The following TACC2 variants were observed in gnomAD, a reference collection of about 807,000 sequenced individuals.
The protein encoded by TACC2 is transforming acidic coiled-coil-containing protein 2.
TACC2 carries 137 observed loss-of-function variants against 227.3 expected under a neutral mutation model. The observed-to-expected ratio is 0.60, with a 90% confidence interval of 0.52 to 0.69. The LOEUF (loss-of-function observed/expected upper bound fraction) is 0.69. TACC2 is among the 30% of genes least tolerant of loss of function. The pLI, the probability that TACC2 is intolerant of heterozygous loss-of-function variation, is 0.00. For missense variants in TACC2, 3,470 were observed against 3,694.4 expected (o/e 0.94, Z 1.57); for synonymous variants, 1,523 against 1,487.5 (o/e 1.02, Z -0.55).
chr10:122,198,378 C>T (rs897043974), intron 8 of TACC2, among the ~76,000 whole-genome samples: 19 of 152,320 alleles, frequency 1.2e-4, no homozygotes, highest in East Asian at 7.7e-4. Context: ...CTTCCAGCTC[C>T]GGCCTCCCGA....
chr10:122,164,045 C>A, intron 7 of TACC2: 1 of 1,548,282 alleles, frequency 6.5e-7, no homozygotes, highest in Non-Finnish European at 8.7e-7. Flanking sequence ...GGAGAGGATG[C>A]CCGGGCTTTG....
At position 122,086,056 on chromosome 10, in the gene TACC2, C is replaced by T; in HGVS notation, c.3556C>T (p.Pro1186Ser). ...ACGTGAGTCCTGCCAAGCTGAGCACCCCATGGCCAGCTGCCAGGATGCCTT... is the reference window on the plus strand; with the variant it reads ...ACGTGAGTCCTGCCAAGCTGAGCACTCCATGGCCAGCTGCCAGGATGCCTT... Reference protein sequence around the residue: ...ALRESCQAEHPMASCQDALLP... With the variant: ...ALRESCQAEHSMASCQDALLP... Residue 1186 changes from proline (P) to serine (S), a missense_variant, in exon 4 of 23, where the codon CCC (proline) becomes TCC (serine). This residue lies in a region of TACC2 where 1,924 missense variants were observed against 1,978.3 expected (regional missense o/e 0.97). Coordinates refer to ENST00000369005, the MANE Select transcript of TACC2 (RefSeq NM_206862.4). 1 of 1,613,848 alleles carries T rather than the reference C, an allele frequency of 6.2e-7. No homozygotes were observed.
At position 122,210,070 on chromosome 10, in the gene TACC2, TTGAATCTCTA is replaced by T. The variant is rs2095253230; in HGVS notation, c.5972-326_5972-317del. The T allele has an allele frequency of 3.1e-6, 1 of 318,886 alleles. No homozygotes were observed. Among genetic ancestry groups the T allele is most frequent in the Non-Finnish European group, 5.8e-6 (1 of 172,030 alleles). The allele number at this position is 318,886 out of a possible 1,614,324, so 19.8% of individuals were successfully genotyped here. The stretch of plus-strand genomic sequence containing the variant: ...AGGTTTTGTCTATTTCTGTTCCTTG[TTGAATCTCTA>T]GTACCTAGAACCATGTCTGGTCCTG... On this transcript the variant is annotated intron_variant, in intron 8 of 22. Transcript: ENST00000369005. The surrounding 1 kb of genome is among the most constrained non-coding windows in gnomAD (Gnocchi z 4.6).
Position 122,083,529 on chromosome 10 carries a change from C to G in TACC2, c.1029C>G (p.His343Gln). 3 of 1,613,200 alleles carry G rather than the reference C, an allele frequency of 1.9e-6. No homozygotes were observed. Among genetic ancestry groups the G allele is most frequent in the Non-Finnish European group, 2.5e-6 (3 of 1,180,010 alleles). Residue 343 changes from histidine (H) to glutamine (Q), a missense_variant, in exon 4 of 23, where the codon CAC (histidine) becomes CAG (glutamine). Physicochemically the swap from His to Gln is conservative, Grantham distance 24. Coordinates refer to ENST00000369005, the MANE Select transcript of TACC2 (RefSeq NM_206862.4). ...CQQPVGAYLP[H>Q]AELPWGLPSP... The stretch of plus-strand genomic sequence containing the variant: ...AGCCAGTGGGAGCATATCTGCCGCA[C>G]GCAGAGCTGCCCTGGGGCTTGCCAA...
chr10:122,006,019 C>T (rs1955076799), intron 1 of TACC2, among the ~76,000 whole-genome samples: 1 of 152,142 alleles, frequency 6.6e-6, no homozygotes, highest in South Asian at 2.1e-4. Flanking sequence ...AATTGTTTTT[C>T]TCTAGCCTTG....
In TACC2 at chr10:122,254,176, C is replaced by T; in HGVS notation, c.*120C>T. ...CTTTTTCGTATGCACTACTGTATTTCCTTTCTAAATAAAATTGATTTGATT... is the reference window on the plus strand; with the variant it reads ...CTTTTTCGTATGCACTACTGTATTTTCTTTCTAAATAAAATTGATTTGATT... On this transcript the variant is annotated 3_prime_UTR_variant, in exon 23 of 23. Coordinates refer to ENST00000369005, the MANE Select transcript of TACC2 (RefSeq NM_206862.4). The T allele has an allele frequency of 1.2e-6, 1 of 818,812 alleles. No individual in the cohort carries two copies. Among genetic ancestry groups the T allele is most frequent in the South Asian group, 1.4e-5 (1 of 72,468 alleles). The allele number at this position is 818,812 out of a possible 1,614,324, so 50.7% of individuals were successfully genotyped here.
chr10:122,198,175 A>G (rs1471505545), intron 8 of TACC2, among the ~76,000 whole-genome samples: 1 of 152,160 alleles, frequency 6.6e-6, no homozygotes, highest in African/African-American at 2.4e-5. Flanking sequence ...GCTCCCTGGG[A>G]TGGAAGATGT....
At position 122,180,846 on chromosome 10, in the gene TACC2, TTCTCCTGCCTCAGCC is replaced by T. The variant is rs1367441530; in HGVS notation, c.5835-14179_5835-14165del. Among the ~76,000 whole-genome samples the T allele has an allele frequency of 6.6e-6, 1 of 152,186 alleles. No individual in the cohort carries two copies. The highest frequency in any genetic ancestry group is 1.5e-5 in the Non-Finnish European group (1 of 68,030). On this transcript the variant is annotated intron_variant, in intron 7 of 22. Coordinates refer to ENST00000369005, the MANE Select transcript of TACC2 (RefSeq NM_206862.4). The surrounding 1 kb of genome is among the most constrained non-coding windows in gnomAD (Gnocchi z 4.5). Reference sequence around the variant, plus strand: ...ACCTCTGCCTCCCAGGCTCAAGCGATTCTCCTGCCTCAGCCTCTCCTGCCTCAGCTGGGATTACAG... The same window carrying T: ...ACCTCTGCCTCCCAGGCTCAAGCGATTCTCCTGCCTCAGCTGGGATTACAG...
chr10:122,138,092 T>C lies in TACC2; in HGVS notation c.5699+5358T>C, dbSNP rs541199499. On this transcript the variant is annotated intron_variant, in intron 6 of 22. Transcript: ENST00000369005. The stretch of plus-strand genomic sequence containing the variant: ...TCTCTTGCTTCCAAATCATGTAGTT[T>C]ATTTTTTTTTTTTCTGACTGCACAA... Among the ~76,000 whole-genome samples the C allele has an allele frequency of 9.2e-5, 14 of 152,162 alleles. 1 individual carries two copies. The East Asian group carries it at 2.7e-3, about 30-fold the overall frequency.
chr10:122,087,409 C>T lies in TACC2; in HGVS notation c.4909C>T (p.Gln1637Ter), dbSNP rs201869943. Residue 1637 changes from glutamine (Q) to a stop codon, truncating the protein, a stop_gained, in exon 4 of 23, where the codon CAG becomes TAG. Coordinates refer to ENST00000369005, the MANE Select transcript of TACC2 (RefSeq NM_206862.4). LOFTEE classifies it high-confidence loss of function. ...VPRSTCAPSP[Q>*]REVLTVPEAN... is the part of the protein sequence containing the mutation. Reference sequence around the variant, plus strand: ...AAGGTCCACGTGTGCCCCTTCTCCTCAGAGGGAGGTTTTGACTGTGCCTGA... The same window carrying T: ...AAGGTCCACGTGTGCCCCTTCTCCTTAGAGGGAGGTTTTGACTGTGCCTGA... The T allele has an allele frequency of 2.1e-4, 346 of 1,614,060 alleles. 1 individual carries two copies. The highest frequency in any genetic ancestry group is 6.0e-4 in the Admixed American group (36 of 60,034).
At chr10:122,051,943 T>C (rs987956511) in intron 3 of TACC2, 2 of 151,936 alleles carry the variant, frequency 1.3e-5, no homozygotes, top group African/African-American at 2.4e-5. Flanking sequence ...GGCAATCAGA[T>C]GGGGCAGAGT....
At chr10:122,249,717 C>T (rs1275840135) in intron 22 of TACC2, 53 bp downstream of exon 22, 1 of 1,565,844 alleles carries the variant, frequency 6.4e-7, no homozygotes, top group African/African-American at 1.3e-5. Flanking sequence ...GCTCTCTGTG[C>T]TGCTGGCCAG....
At chr10:122,105,091 CT>C (rs1451995893) in intron 5 of TACC2, among the ~76,000 whole-genome samples, 31 of 152,208 alleles carry the variant, frequency 2.0e-4, no homozygotes, top group Non-Finnish European at 3.5e-4. Context: ...ATGGGTGCCC[CT>C]AACAGGACGC....
intron 1 of TACC2, among the ~76,000 whole-genome samples, chr10:121,991,083 A>G (rs1324157227): frequency 2.6e-5 from 4 of 152,184 alleles, no homozygotes; most frequent in Non-Finnish European, 5.9e-5. Context: ...ACTACGCCTC[A>G]TCTGGACCTA....
At chr10:122,139,197 G>GC (rs2090155282) in intron 6 of TACC2, among the ~76,000 whole-genome samples, 1 of 152,224 alleles carries the variant, frequency 6.6e-6, no homozygotes. Flanking sequence ...CCTCCTCTGA[G>GC]CACGGGCTCT....
At position 122,131,387 on chromosome 10, in the gene TACC2, T is replaced by C. The variant is rs142351651; in HGVS notation, c.5574-1222T>C. Among the ~76,000 whole-genome samples, 18 of 152,120 alleles carry C rather than the reference T, an allele frequency of 1.2e-4. No individual in the cohort carries two copies. The East Asian group carries it at 3.5e-3, about 29-fold the overall frequency. On this transcript the variant is annotated intron_variant, in intron 5 of 22. Coordinates refer to ENST00000369005, the MANE Select transcript of TACC2 (RefSeq NM_206862.4). Reference sequence around the variant, plus strand: ...TCACTCAGGGACCTCCCCGATGAAATAATAGGGTAACTGACTACAAGACGA... The same window carrying C: ...TCACTCAGGGACCTCCCCGATGAAACAATAGGGTAACTGACTACAAGACGA...
At chr10:121,990,029 C>T (rs989704996) in intron 1 of TACC2, among the ~76,000 whole-genome samples, 2 of 152,260 alleles carry the variant, frequency 1.3e-5, no homozygotes, top group South Asian at 4.1e-4. Flanking sequence ...TTTGATTCTC[C>T]AGACCTTTAA....
Position 122,087,858 on chromosome 10 carries a change from A to G in TACC2, c.5358A>G (p.Pro1786=). ...KEQPGPERPI[P]AGDGKVCVSS... is the part of the protein sequence containing the mutation. ...AGCCAGGGCCTGAGCGCCCCATTCC[A>G]GCTGGGGATGGGAAGGTGTGCGTCT... The change falls in exon 4 of 23, where the codon CCA becomes CCG. Residue 1786 remains proline (P), a synonymous_variant. Transcript: ENST00000369005. The G allele has an allele frequency of 6.6e-7, 1 of 1,524,224 alleles. No homozygotes were observed. 94.4% of individuals were successfully genotyped at this position (1,524,224 alleles called of 1,614,324 possible). A position where few individuals can be genotyped will look rare whatever the true frequency, so the allele number is the denominator to read the frequency against.
At chr10:122,090,043 C>A (rs1386407776) in intron 5 of TACC2, among the ~76,000 whole-genome samples, 3 of 152,086 alleles carry the variant, frequency 2.0e-5, no homozygotes, top group Non-Finnish European at 4.4e-5. Context: ...AAAGTCTTCC[C>A]CACCCCAAAA....
Sources: gnomAD v4.1 joint callset for allele counts (sites outside exome capture counted in the v4.1 genomes callset) on GRCh38, gnomAD v4.1.1 for gene constraint, gnomAD v4.1.1 regional missense constraint, Gnocchi (gnomAD v3.1) non-coding constraint, MANE v1.5 for transcripts, NCBI Gene and HGNC (gene_info 2026-07-23, HGNC 2026-07-21) for gene names.